The following XXYLT1 variants were observed in gnomAD, a reference collection of about 807,000 sequenced individuals.
XXYLT1 encodes UDP-xylose:alpha-xyloside alpha-1,3-xylosyltransferase.
XXYLT1 carries 20 observed loss-of-function variants against 28.9 expected under a neutral mutation model. That is an observed-to-expected ratio of 0.69 (90% CI 0.49 to 1.00). The LOEUF is 1.00. XXYLT1 is among the 50% of genes least tolerant of loss of function. XXYLT1 has a pLI of 0.00. For synonymous variants in XXYLT1, 257 were observed against 253.8 expected (o/e 1.01, Z -0.12); for missense variants, 542 against 560.1 (o/e 0.97, Z 0.33).
chr3:195,252,719 C>CAG lies in XXYLT1; in HGVS notation c.504+17835_504+17836insCT, dbSNP rs1484813323. Among the ~76,000 whole-genome samples, 770 of 138,264 alleles carry CAG rather than the reference C, an allele frequency of 5.6e-3. 8 individuals are homozygous for CAG. Among genetic ancestry groups the CAG allele is most frequent in the African/African-American group, 0.022 (694 of 31,496 alleles). The allele number at this position is 138,264 out of a possible 152,430, so 90.7% of individuals were successfully genotyped here. On this transcript the variant is annotated intron_variant, in intron 1 of 3. Coordinates refer to ENST00000310380, the MANE Select transcript of XXYLT1 (RefSeq NM_152531.5). ...ACACACACACACACACACACACACA[C>CAG]ACACACACAGAGAGAGAGAGAGAGA...
chr3:195,159,770 G>A (rs957010059), intron 2 of XXYLT1, among the ~76,000 whole-genome samples: 17 of 152,098 alleles, frequency 1.1e-4, no homozygotes, highest in African/African-American at 3.6e-4. Flanking sequence ...CGATGCTTCC[G>A]TACAATTACA....
At chr3:195,171,846 C>T (rs1383682870) in intron 2 of XXYLT1, among the ~76,000 whole-genome samples, 1 of 152,218 alleles carries the variant, frequency 6.6e-6, no homozygotes, top group Non-Finnish European at 1.5e-5. Context: ...TTATTTGTGA[C>T]TTTACTGGAG....
At chr3:195,212,769 T>C (rs1723381282) in intron 2 of XXYLT1, among the ~76,000 whole-genome samples, 1 of 152,002 alleles carries the variant, frequency 6.6e-6, no homozygotes, top group Admixed American at 6.6e-5. Flanking sequence ...ACTGAAAAAC[T>C]GTCTTCTGTG....
intron 2 of XXYLT1, among the ~76,000 whole-genome samples, chr3:195,192,820 T>A (rs1226157447): frequency 6.6e-6 from 1 of 152,066 alleles, no homozygotes; most frequent in Non-Finnish European, 1.5e-5. Context: ...ATTAAAAGCA[T>A]CAGATTGGAA....
intron 1 of XXYLT1, among the ~76,000 whole-genome samples, chr3:195,239,926 G>A (rs1724706692): frequency 6.6e-6 from 1 of 152,140 alleles, no homozygotes; most frequent in South Asian, 2.1e-4. Context: ...TCAAAGTAGG[G>A]TTCTTCACCG....
rs200640008 is a variant in XXYLT1, at chr3:195,250,936, T to C, written c.504+19619A>G. ...AGCAGCAATACTGGACGGGGTTACA[T>C]GGATCTTAAAAATGCTCATCTCAAA... On this transcript the variant is annotated intron_variant, in intron 1 of 3. Transcript: ENST00000310380. Among the ~76,000 whole-genome samples the C allele has an allele frequency of 1.1e-4, 16 of 152,328 alleles. No homozygotes were observed. In the East Asian group the frequency reaches 1.5e-3, roughly 15 times the overall value.
intron 2 of XXYLT1, among the ~76,000 whole-genome samples, chr3:195,199,570 C>T (rs545305896): frequency 6.6e-6 from 1 of 152,024 alleles, no homozygotes; most frequent in Non-Finnish European, 1.5e-5. Flanking sequence ...GAGATCACAC[C>T]ACTGCACTCC....
At chr3:195,145,431 C>T (rs931613333) in intron 3 of XXYLT1, among the ~76,000 whole-genome samples, 4 of 147,304 alleles carry the variant, frequency 2.7e-5, no homozygotes, top group Admixed American at 1.4e-4. Context: ...CCTCACTCCA[C>T]GGTGACTGGC....
At chr3:195,193,925 G>A (rs1722522683) in intron 2 of XXYLT1, among the ~76,000 whole-genome samples, 1 of 152,030 alleles carries the variant, frequency 6.6e-6, no homozygotes, top group Non-Finnish European at 1.5e-5. Context: ...AGATCTAAAT[G>A]TAATAGCTAA....
chr3:195,199,408 G>A (rs1034134738), intron 2 of XXYLT1, among the ~76,000 whole-genome samples: 2 of 152,070 alleles, frequency 1.3e-5, no homozygotes, highest in Admixed American at 6.6e-5. Context: ...TCAGGAGATC[G>A]AGACCATCCT....
chr3:195,207,956 C>G (rs557461282), intron 2 of XXYLT1, among the ~76,000 whole-genome samples: 7 of 152,236 alleles, frequency 4.6e-5, no homozygotes, highest in Admixed American at 1.3e-4. Context: ...AGGCAAGGCT[C>G]AGAGAGAGAG....
intron 3 of XXYLT1, among the ~76,000 whole-genome samples, chr3:195,136,551 G>T (rs1057330215): frequency 6.6e-6 from 1 of 152,298 alleles, no homozygotes; most frequent in African/African-American, 2.4e-5. Flanking sequence ...GCAACTTACC[G>T]AAAACTTAGT....
chr3:195,256,562 C>T lies in XXYLT1; in HGVS notation c.504+13993G>A, dbSNP rs958089183. 25 of 985,246 alleles carry T rather than the reference C, an allele frequency of 2.5e-5. No individual in the cohort carries two copies. In the Admixed American group the frequency reaches 4.3e-4, roughly 17 times the overall value. The allele number at this position is 985,246 out of a possible 1,614,324, so 61.0% of individuals were successfully genotyped here. ...GGGGAAGAGCAGCCTCCTCACACCC[C>T]GCAACTTCTCACCCGCACATTCAGG... On this transcript the variant is annotated intron_variant, in intron 1 of 3. Coordinates refer to ENST00000310380, the MANE Select transcript of XXYLT1 (RefSeq NM_152531.5). The surrounding 1 kb of genome is among the most constrained non-coding windows in gnomAD (Gnocchi z 4.2).
chr3:195,135,224 G>A (rs1365980932), intron 3 of XXYLT1, among the ~76,000 whole-genome samples: 2 of 152,104 alleles, frequency 1.3e-5, no homozygotes, highest in Non-Finnish European at 2.9e-5. Context: ...AGATACCCTC[G>A]GTGTCCCTCC....
intron 1 of XXYLT1, chr3:195,270,333 T>G: frequency 9.2e-7 from 1 of 1,091,992 alleles, no homozygotes; most frequent in Non-Finnish European, 1.2e-6. Context: ...GAGGCGGTCA[T>G]TAAAAACGCA....
At chr3:195,187,212 T>A (rs565314427) in intron 2 of XXYLT1, among the ~76,000 whole-genome samples, 1 of 144,902 alleles carries the variant, frequency 6.9e-6, no homozygotes, top group African/African-American at 2.6e-5. Flanking sequence ...CACTCCAGCC[T>A]GGGCCGCAGA....
Position 195,270,701 on chromosome 3 carries a change from C to T in XXYLT1, c.358G>A (p.Val120Ile). ...HNAALQAKAR[V>I]ALRSLLRLAK... ...AGGCGCAGCAGTGAGCGCAGCGCGACGCGGGCCTTGGCCTGCAGCGCGGCA... is the reference window on the plus strand; with the variant it reads ...AGGCGCAGCAGTGAGCGCAGCGCGATGCGGGCCTTGGCCTGCAGCGCGGCA... Residue 120 changes from valine (V) to isoleucine (I), a missense_variant, in exon 1 of 4, where the codon GTC becomes ATC. Physicochemically the swap from Val to Ile is conservative, Grantham distance 29. Coordinates refer to ENST00000310380, the MANE Select transcript of XXYLT1 (RefSeq NM_152531.5). 1.3e-6 allele frequency: 2 copies of T among 1,589,932 alleles called. No homozygotes were observed. The highest frequency in any genetic ancestry group is 1.7e-4 in the Middle Eastern group (1 of 5,982).
At chr3:195,110,851 TTGTATAAG>T in intron 3 of XXYLT1, among the ~76,000 whole-genome samples, 1 of 37,456 alleles carries the variant, frequency 2.7e-5, no homozygotes, top group African/African-American at 9.2e-5. Flanking sequence ...GTTGTGTGTG[TTGTATAAG>T]TGTGTGTGTG....
intron 3 of XXYLT1, among the ~76,000 whole-genome samples, chr3:195,134,876 C>T (rs866368930): frequency 2.3e-5 from 3 of 131,374 alleles, no homozygotes; most frequent in East Asian, 6.1e-4. Context: ...TGTGCGTGTG[C>T]GCGCGTGCGC....
Sources: gnomAD v4.1 joint callset for allele counts (sites outside exome capture counted in the v4.1 genomes callset) on GRCh38, gnomAD v4.1.1 for gene constraint, Gnocchi (gnomAD v3.1) non-coding constraint, MANE v1.5 for transcripts, NCBI Gene and HGNC (gene_info 2026-07-23, HGNC 2026-07-21) for gene names.